Variants in UFD1 observed in about 807,000 individuals in gnomAD.
The protein encoded by UFD1 is ubiquitin recognition factor in ER associated degradation 1, also known as ubiquitin recognition factor in ER-associated degradation protein 1.
Under a neutral mutation model 45.9 loss-of-function variants are expected in UFD1, and 13 were observed. The observed-to-expected ratio is 0.28, with a 90% CI of 0.18 to 0.45. The LOEUF (loss-of-function observed/expected upper bound fraction) is 0.45, where lower values mean the gene tolerates loss of function less well. Ranked by LOEUF, UFD1 falls within the 20% of genes least tolerant of loss-of-function variation. The pLI is 1.00. For synonymous variants in UFD1, 128 were observed against 139.2 expected (o/e 0.92, Z 0.56); for missense variants, 218 against 389.2 (o/e 0.56, Z 3.70).
intron 11 of UFD1, chr22:19,451,919 G>A: frequency 2.0e-6 from 2 of 985,364 alleles, no homozygotes; most frequent in Non-Finnish European, 2.4e-6. Flanking sequence ...GTTAGTGGGG[G>A]CTCCTTATTT....
At chr22:19,453,732 C>G (rs1160383165) in intron 11 of UFD1, 4 of 985,358 alleles carry the variant, frequency 4.1e-6, no homozygotes, top group Non-Finnish European at 4.8e-6. Flanking sequence ...ACCAGGTGTG[C>G]AAACTTCACA....
chr22:19,469,944 G>A (rs769068372), intron 4 of UFD1: 4 of 518,462 alleles, frequency 7.7e-6, no homozygotes, highest in Non-Finnish European at 1.5e-5. Context: ...TGGGTTAAAG[G>A]AGAACCTTCG....
intron 6 of UFD1, among the ~76,000 whole-genome samples, chr22:19,464,419 A>G (rs908531847): frequency 1.3e-5 from 2 of 152,246 alleles, no homozygotes; most frequent in African/African-American, 4.8e-5. Flanking sequence ...ACTGTGCTCC[A>G]TGCCTGTGGT....
chr22:19,452,452 T>C (rs2089690388), intron 11 of UFD1: 1 of 152,202 alleles, frequency 6.6e-6, no homozygotes, highest in Admixed American at 6.5e-5. Flanking sequence ...GAATTTTAGG[T>C]TGGAAAAAAT....
chr22:19,450,840 TAAG>T, intron 11 of UFD1, 96 bp from the exon 12 acceptor site: 1 of 1,592,278 alleles, frequency 6.3e-7, no homozygotes. Context: ...ACATTACTCA[TAAG>T]AAATATCTCA....
intron 6 of UFD1, among the ~76,000 whole-genome samples, chr22:19,461,935 A>G (rs1051460954): frequency 4.6e-5 from 7 of 151,924 alleles, no homozygotes; most frequent in African/African-American, 1.7e-4. Context: ...CTTTCAAGAT[A>G]TTTGCTTTAT....
intron 7 of UFD1, 104 bp from the exon 8 acceptor site, chr22:19,457,022 G>T: frequency 1.3e-6 from 1 of 796,368 alleles, no homozygotes; most frequent in Non-Finnish European, 2.1e-6. Flanking sequence ...GCAGTTTTAA[G>T]AAATAATACA....
intron 6 of UFD1, among the ~76,000 whole-genome samples, chr22:19,458,483 G>A (rs1193822523): frequency 1.3e-5 from 2 of 152,062 alleles, no homozygotes; most frequent in Non-Finnish European, 2.9e-5. Context: ...TCGCTCTATC[G>A]CCCAGGCTGG....
chr22:19,472,003 A>G (rs1436927716), intron 3 of UFD1, among the ~76,000 whole-genome samples, 195 bp from the exon 4 acceptor site: 2 of 152,230 alleles, frequency 1.3e-5, no homozygotes, highest in African/African-American at 4.8e-5. Flanking sequence ...CAGCACTGGC[A>G]TAGACTTGTG....
At chr22:19,465,457 A>G (rs2089795500) in intron 5 of UFD1, 183 bp from the exon 6 acceptor site, 2 of 554,146 alleles carry the variant, frequency 3.6e-6, no homozygotes, top group Non-Finnish European at 6.4e-6. Flanking sequence ...ATATGCAATA[A>G]TATGGATGAA....
chr22:19,466,077 T>TGAAAGG (rs2089799561), intron 5 of UFD1: 1 of 152,174 alleles, frequency 6.6e-6, no homozygotes, highest in Non-Finnish European at 1.5e-5. Context: ...AACTTGAGGG[T>TGAAAGG]GAAAGGGTGA....
At chr22:19,454,561 C>T in intron 11 of UFD1, 188 bp downstream of exon 11, 2 of 1,285,388 alleles carry the variant, frequency 1.6e-6, no homozygotes, top group South Asian at 3.1e-5. Context: ...GAGGCCTCCC[C>T]AGCCATGTGA....
chr22:19,474,786 G>A (rs1214346357), intron 3 of UFD1, among the ~76,000 whole-genome samples: 1 of 152,184 alleles, frequency 6.6e-6, no homozygotes, highest in Non-Finnish European at 1.5e-5. Flanking sequence ...CAGTTGGGGG[G>A]TGGGTGGAGG....
At chr22:19,454,297 C>A in intron 11 of UFD1, 1 of 1,005,042 alleles carries the variant, frequency 9.9e-7, no homozygotes, top group Non-Finnish European at 1.2e-6. Context: ...CAGACACCCT[C>A]ATGTGGTTTG....
chr22:19,454,697 G>A, intron 11 of UFD1, 52 bp downstream of exon 11: 1 of 1,612,402 alleles, frequency 6.2e-7, no homozygotes, highest in Non-Finnish European at 8.5e-7. Context: ...GTCATCACTA[G>A]CAAATAAATC....
intron 1 of UFD1, among the ~76,000 whole-genome samples, chr22:19,476,528 A>T (rs1400937959): frequency 2.0e-5 from 3 of 151,852 alleles, no homozygotes; most frequent in Non-Finnish European, 4.4e-5. Context: ...GGCTTAGCAA[A>T]CATGTATCAA....
intron 6 of UFD1, among the ~76,000 whole-genome samples, chr22:19,464,654 G>A (rs376587563): frequency 1.3e-5 from 2 of 152,264 alleles, no homozygotes; most frequent in African/African-American, 4.8e-5. Context: ...GCCTAGAGAA[G>A]CTGCTAAGTG....
In UFD1 at chr22:19,479,153, T is replaced by G; in HGVS notation, c.-68A>C. The G allele has an allele frequency of 1.3e-6, 2 of 1,578,710 alleles. No individual in the cohort carries two copies. Among genetic ancestry groups the G allele is most frequent in the South Asian group, 1.1e-5 (1 of 87,316 alleles). ...AACGAAGAAACCCCGCCGACCGCTCTCCCAGCCGCCGCTGCCGCTGCCGCC... is the reference window on the plus strand; with the variant it reads ...AACGAAGAAACCCCGCCGACCGCTCGCCCAGCCGCCGCTGCCGCTGCCGCC... On this transcript the variant is annotated 5_prime_UTR_variant, in exon 1 of 12. Transcript: ENST00000263202.
chr22:19,463,350 T>A (rs186560225), intron 6 of UFD1, among the ~76,000 whole-genome samples: 1 of 152,368 alleles, frequency 6.6e-6, no homozygotes, highest in East Asian at 1.9e-4. Context: ...GTTTTTCAAA[T>A]CTTTCTGGTT....
Sources: gnomAD v4.1 joint callset for allele counts (sites outside exome capture counted in the v4.1 genomes callset) on GRCh38, gnomAD v4.1.1 for gene constraint, MANE v1.5 for transcripts, NCBI Gene and HGNC (gene_info 2026-07-23, HGNC 2026-07-21) for gene names.